Variants in ELP4 observed in about 807,000 individuals in gnomAD.
ELP4 encodes the protein elongator complex protein 4.
A neutral mutation model predicts 48.9 loss-of-function variants in ELP4; 51 were observed. The observed-to-expected ratio is 1.04, with a 90% CI of 0.83 to 1.32. The LOEUF is 1.32. Among genes scored for constraint, ELP4 ranks in the 40% most tolerant of loss-of-function variants. The pLI, the probability that ELP4 is intolerant of heterozygous loss-of-function variation, is 0.00. For missense variants in ELP4, 519 were observed against 514.6 expected, an observed-to-expected ratio of 1.01 and a Z score of -0.08; for synonymous variants, 210 against 189.2, an observed-to-expected ratio of 1.11 and a Z score of -0.90.
intron 9 of ELP4, among the ~76,000 whole-genome samples, chr11:31,735,513 T>C (rs1947292512): frequency 6.6e-6 from 1 of 152,168 alleles, no homozygotes; most frequent in Non-Finnish European, 1.5e-5. Flanking sequence ...GGCATTCAAC[T>C]AAGAAAAGAG....
intron 7 of ELP4, chr11:31,633,133 G>A (rs1306416751): frequency 1.3e-5 from 2 of 152,030 alleles, no homozygotes; most frequent in Non-Finnish European, 2.9e-5. Context: ...TTCAGTAAAT[G>A]TTAAATGAAT....
At chr11:31,614,909 A>G (rs1312010487) in intron 5 of ELP4, among the ~76,000 whole-genome samples, 1 of 152,174 alleles carries the variant, frequency 6.6e-6, no homozygotes, top group East Asian at 1.9e-4. Context: ...ACAACTGAAT[A>G]CAACAGGTGA....
chr11:31,533,428 A>T (rs1251325989), intron 2 of ELP4, among the ~76,000 whole-genome samples: 1 of 122,218 alleles, frequency 8.2e-6, no homozygotes, highest in African/African-American at 3.3e-5. Flanking sequence ...CCCAGGCCAG[A>T]CTGCAGTGGC....
intron 9 of ELP4, among the ~76,000 whole-genome samples, chr11:31,680,436 G>T (rs1946030938): frequency 6.6e-6 from 1 of 152,110 alleles, no homozygotes; most frequent in Admixed American, 6.6e-5. Context: ...TAGAGCATTG[G>T]TTTGCAAAAT....
At chr11:31,554,300 T>C (rs1413715213) in intron 3 of ELP4, among the ~76,000 whole-genome samples, 1 of 152,070 alleles carries the variant, frequency 6.6e-6, no homozygotes, top group Non-Finnish European at 1.5e-5. Flanking sequence ...GCCAAAAAGG[T>C]TGGGGACTGC....
At chr11:31,628,823 T>G (rs1476107834) in intron 6 of ELP4, among the ~76,000 whole-genome samples, 1 of 152,094 alleles carries the variant, frequency 6.6e-6, no homozygotes, top group East Asian at 1.9e-4. Context: ...GTTTGCTAAA[T>G]TACTTAGTAT....
At chr11:31,540,339 A>T (rs1956572127) in intron 3 of ELP4, among the ~76,000 whole-genome samples, 1 of 152,238 alleles carries the variant, frequency 6.6e-6, no homozygotes, top group Admixed American at 6.5e-5. Context: ...AAATAATGGA[A>T]TAAAAACAAA....
chr11:31,543,949 T>A (rs1417992948), intron 3 of ELP4, among the ~76,000 whole-genome samples: 2 of 152,204 alleles, frequency 1.3e-5, no homozygotes, highest in Non-Finnish European at 2.9e-5. Context: ...AGACTTGCAT[T>A]GTAAGAAATA....
rs61458094 is a variant in ELP4, at chr11:31,593,227, CTGTTGTTGT to C, written c.382-1508_382-1500del. ...CAACAACCCATTGAAGTGAATAATA[CTGTTGTTGT>C]TGTTGTTGTTGTTGTTGTTGTTGTT... is the stretch of plus-strand genomic sequence containing the variant. On this transcript the variant is annotated intron_variant, in intron 3 of 9. Transcript: ENST00000640961. 3.0e-3 allele frequency among the ~76,000 whole-genome samples: 457 copies of C among 150,018 alleles called. 3 individuals carry two copies. Among genetic ancestry groups the C allele is most frequent in the South Asian group, 0.029 (137 of 4,680 alleles).
chr11:31,528,193 G>T (rs544478500), intron 2 of ELP4, among the ~76,000 whole-genome samples: 1 of 152,020 alleles, frequency 6.6e-6, no homozygotes, highest in African/African-American at 2.4e-5. Flanking sequence ...GAAATTGCCT[G>T]ATCGTGATTA....
At chr11:31,679,940 TCTAATGTCCAC>T (rs1946022155) in intron 9 of ELP4, among the ~76,000 whole-genome samples, 1 of 152,232 alleles carries the variant, frequency 6.6e-6, no homozygotes. Context: ...TTGTGTACTC[TCTAATGTCCAC>T]CCTGAGCTTC....
chr11:31,632,250 C>G lies in ELP4; in HGVS notation c.772C>G (p.Gln258Glu). ...KQRNILRIGI[Q>E]NLGSPLWGDD... Reference sequence around the variant, plus strand: ...GAGAAACATTTTAAGAATAGGAATTCAGAATCTTGGCTCACCTTTATGGGG... The same window carrying G: ...GAGAAACATTTTAAGAATAGGAATTGAGAATCTTGGCTCACCTTTATGGGG... Residue 258 changes from glutamine (Q) to glutamate (E), a missense_variant, in exon 7 of 10, where the codon CAG becomes GAG. Physicochemically the swap from Gln to Glu is conservative, Grantham distance 29. Transcript: ENST00000640961. 6.2e-7 allele frequency: 1 copy of G among 1,605,340 alleles called. No individual in the cohort carries two copies. The highest frequency in any genetic ancestry group is 8.5e-7 in the Non-Finnish European group (1 of 1,177,520).
intron 9 of ELP4, among the ~76,000 whole-genome samples, chr11:31,658,639 T>G (rs778075737): frequency 4.6e-5 from 7 of 151,950 alleles, no homozygotes; most frequent in Non-Finnish European, 1.0e-4. Flanking sequence ...TGTACTCACT[T>G]AAGTTCTATG....
chr11:31,650,820 T>G (rs537018639), intron 9 of ELP4: 1 of 151,850 alleles, frequency 6.6e-6, no homozygotes, highest in Admixed American at 6.6e-5. Flanking sequence ...AACAGAGAAC[T>G]ATTAAGGAAT....
intron 9 of ELP4, among the ~76,000 whole-genome samples, chr11:31,672,134 G>A (rs1257258211): frequency 6.6e-6 from 1 of 152,040 alleles, no homozygotes; most frequent in East Asian, 1.9e-4. Context: ...AAAACCTCTG[G>A]ATACCCCCTG....
chr11:31,569,455 G>A (rs1245416296), intron 3 of ELP4, among the ~76,000 whole-genome samples: 1 of 152,132 alleles, frequency 6.6e-6, no homozygotes, highest in Non-Finnish European at 1.5e-5. Flanking sequence ...CTTCTCAAAA[G>A]AACACATACA....
chr11:31,566,768 C>T (rs778903996), intron 3 of ELP4, among the ~76,000 whole-genome samples: 4 of 152,074 alleles, frequency 2.6e-5, no homozygotes, highest in Middle Eastern at 3.2e-3. Flanking sequence ...GAACTAAGAA[C>T]GTTTCTATTC....
At chr11:31,658,135 A>G (rs956525951) in intron 9 of ELP4, among the ~76,000 whole-genome samples, 1 of 152,010 alleles carries the variant, frequency 6.6e-6, no homozygotes, top group Non-Finnish European at 1.5e-5. Flanking sequence ...CTGTACTGCT[A>G]TCTCGTCTTC....
intron 6 of ELP4, among the ~76,000 whole-genome samples, chr11:31,631,881 T>C (rs1944868917): frequency 6.6e-6 from 1 of 152,148 alleles, no homozygotes; most frequent in Non-Finnish European, 1.5e-5. Flanking sequence ...GCAAGCATTC[T>C]AGTTTAGATT....
Sources: allele counts gnomAD v4.1 joint callset (sites outside exome capture counted in the v4.1 genomes callset), GRCh38; gene constraint gnomAD v4.1.1; transcripts MANE v1.5; gene names NCBI Gene and HGNC (gene_info 2026-07-23, HGNC 2026-07-21).